The following MCF2L variants were observed in gnomAD, a reference collection of about 807,000 sequenced individuals.
The protein encoded by MCF2L is guanine nucleotide exchange factor DBS.
A neutral mutation model predicts 153.4 loss-of-function variants in MCF2L; 97 were observed. The ratio of observed to expected loss-of-function variants is 0.63; its 90% CI spans 0.54 to 0.75. The LOEUF is 0.75. MCF2L is among the 30% of genes least tolerant of loss of function. The pLI is 0.00. For missense variants in MCF2L, 1,347 were observed against 1,495.2 expected, an observed-to-expected ratio of 0.90 and a Z score of 1.64; for synonymous variants, 659 against 632.2, an observed-to-expected ratio of 1.04 and a Z score of -0.64.
intron 1 of MCF2L, among the ~76,000 whole-genome samples, chr13:112,972,300 TGTGG>T (rs902318869): frequency 8.1e-6 from 1 of 124,140 alleles, no homozygotes; most frequent in South Asian, 2.9e-4. Flanking sequence ...TGAATGGATG[TGTGG>T]GTGGGTGGAT....
chr13:113,021,694 C>T (rs2084894519), intron 2 of MCF2L, among the ~76,000 whole-genome samples: 1 of 152,228 alleles, frequency 6.6e-6, no homozygotes, highest in East Asian at 1.9e-4. Context: ...AGGGTTTCTC[C>T]AGAGAGGGGC....
intron 9 of MCF2L, among the ~76,000 whole-genome samples, chr13:113,072,357 G>C (rs552318362): frequency 6.6e-6 from 1 of 152,054 alleles, no homozygotes; most frequent in Non-Finnish European, 1.5e-5. Context: ...GCCCCACTGC[G>C]TACTGCCCCA....
At chr13:113,090,119 G>A (rs139940844) in intron 26 of MCF2L, 18,954 of 1,547,046 alleles carry the variant, frequency 0.012, 149 homozygotes, top group Non-Finnish European at 0.015. Context: ...TCCAGAAAGC[G>A]CTTTACCCTG....
At position 113,098,259 on chromosome 13, in the gene MCF2L, G is replaced by A. The variant is rs73578937; in HGVS notation, c.*1400G>A. 4,531 of 152,700 alleles carry A rather than the reference G, an allele frequency of 0.03. 89 individuals are homozygous for A. Among genetic ancestry groups the A allele is most frequent in the Non-Finnish European group, 0.044 (3,026 of 68,046 alleles). The allele number at this position is 152,700 out of a possible 1,614,324, so 9.5% of individuals were successfully genotyped here. ...AGCCGTCACTGGCCAGACCTCCAGG[G>A]TGCGGAATCAAATAGGAAGCATGCA... On this transcript the variant is annotated 3_prime_UTR_variant, in exon 30 of 30. Coordinates refer to ENST00000535094, the MANE Select transcript of MCF2L (RefSeq NM_001112732.3).
At chr13:112,939,893 G>A (rs889242796) in intron 2 of MCF2L, among the ~76,000 whole-genome samples, 1 of 151,890 alleles carries the variant, frequency 6.6e-6, no homozygotes, top group Non-Finnish European at 1.5e-5. Context: ...CACTTGAACT[G>A]AGGAGGTAGA....
intron 4 of MCF2L, among the ~76,000 whole-genome samples, chr13:113,051,707 A>G (rs2087342209): frequency 6.6e-6 from 1 of 152,236 alleles, no homozygotes; most frequent in Non-Finnish European, 1.5e-5. Context: ...TGGGCACTTT[A>G]CAACGAAAAA....
At chr13:112,905,320 G>A (rs970810384) in intron 2 of MCF2L, among the ~76,000 whole-genome samples, 2 of 151,986 alleles carry the variant, frequency 1.3e-5, no homozygotes. Context: ...GATCCTGATT[G>A]GCTACTTCAA....
intron 4 of MCF2L, among the ~76,000 whole-genome samples, chr13:113,052,069 A>G (rs1324182397): frequency 2.6e-5 from 4 of 152,246 alleles, no homozygotes; most frequent in African/African-American, 9.6e-5. Flanking sequence ...AAATGTTCTC[A>G]GCACAGAAAA....
In MCF2L at chr13:113,027,884, C is replaced by T. The variant is rs1000744451; in HGVS notation, c.278+3126C>T. ...ACGTAGGCTCCAGGTGTGCTGTGGC[C>T]AGAGGGGTGTCCTGGGGAGGGCGGT... is the stretch of plus-strand genomic sequence containing the variant. On this transcript the variant is annotated intron_variant, in intron 3 of 29. Coordinates refer to ENST00000535094, the MANE Select transcript of MCF2L (RefSeq NM_001112732.3). The surrounding 1 kb of genome is among the most constrained non-coding windows in gnomAD (Gnocchi z 4.8). Among the ~76,000 whole-genome samples the T allele has an allele frequency of 6.6e-6, 1 of 152,184 alleles. No individual in the cohort carries two copies. The highest frequency in any genetic ancestry group is 2.4e-5 in the African/African-American group (1 of 41,456).
At chr13:112,997,300 TG>T (rs1313356036) in intron 1 of MCF2L, among the ~76,000 whole-genome samples, 2 of 152,204 alleles carry the variant, frequency 1.3e-5, no homozygotes, top group African/African-American at 4.8e-5. Context: ...AGGTTTGCGA[TG>T]GGGTTGCTGC....
At chr13:113,011,630 T>C (rs1374075856) in intron 1 of MCF2L, among the ~76,000 whole-genome samples, 16 of 143,088 alleles carry the variant, frequency 1.1e-4, no homozygotes, top group East Asian at 2.3e-4. Context: ...ACAGGTGGTG[T>C]GGACGGTGGA....
intron 26 of MCF2L, chr13:113,090,129 G>C (rs1165593558): frequency 1.9e-6 from 3 of 1,544,926 alleles, no homozygotes; most frequent in Middle Eastern, 1.7e-4. Context: ...GCTTTACCCT[G>C]CAGGGTTTTG....
chr13:112,911,411 C>A (rs1232146037), intron 2 of MCF2L, among the ~76,000 whole-genome samples: 1 of 152,200 alleles, frequency 6.6e-6, no homozygotes, highest in African/African-American at 2.4e-5. Context: ...CCTGGGAGAG[C>A]GGCCCAGCCG....
intron 15 of MCF2L, among the ~76,000 whole-genome samples, chr13:113,080,759 G>A (rs898630392): frequency 6.6e-6 from 1 of 152,210 alleles, no homozygotes; most frequent in Admixed American, 6.5e-5. Context: ...GGGCCACACA[G>A]ATACCCACCA....
chr13:112,975,068 C>A (rs941042117), intron 1 of MCF2L, among the ~76,000 whole-genome samples: 7 of 152,240 alleles, frequency 4.6e-5, no homozygotes, highest in African/African-American at 1.7e-4. Context: ...GTAGTATTTT[C>A]ACACTTCTAC....
intron 1 of MCF2L, among the ~76,000 whole-genome samples, chr13:113,011,602 CT>C (rs2084112117): frequency 7.8e-6 from 1 of 128,802 alleles, no homozygotes; most frequent in Admixed American, 7.7e-5. Context: ...ACGGTGGACA[CT>C]GCAGTGTGGA....
intron 8 of MCF2L, among the ~76,000 whole-genome samples, chr13:113,067,078 T>G (rs2032491178): frequency 6.6e-6 from 1 of 152,266 alleles, no homozygotes; most frequent in Non-Finnish European, 1.5e-5. Flanking sequence ...TGCCCTGGCC[T>G]GTGTCAGGCA....
intron 1 of MCF2L, among the ~76,000 whole-genome samples, chr13:112,994,385 G>A (rs1395709562): frequency 2.0e-5 from 3 of 151,256 alleles, no homozygotes; most frequent in Admixed American, 6.6e-5. Context: ...TGCGTGGGAC[G>A]TCAAGCTGAC....
At chr13:113,041,915 C>A (rs1940771451) in intron 3 of MCF2L, among the ~76,000 whole-genome samples, 1 of 152,158 alleles carries the variant, frequency 6.6e-6, no homozygotes, top group Admixed American at 6.5e-5. Context: ...GAGCCAGGTT[C>A]CCCTGTCCGT....
Sources: gnomAD v4.1 joint callset for allele counts (sites outside exome capture counted in the v4.1 genomes callset) on GRCh38, gnomAD v4.1.1 for gene constraint, Gnocchi (gnomAD v3.1) non-coding constraint, MANE v1.5 for transcripts, NCBI Gene and HGNC (gene_info 2026-07-23, HGNC 2026-07-21) for gene names.